ZRANB3: variants seen among roughly 807,000 people sequenced by gnomAD.
ZRANB3 encodes the protein zinc finger RANBP2-type containing 3, also known as DNA annealing helicase and endonuclease ZRANB3.
In ZRANB3, 125 loss-of-function variants were observed where a neutral mutation model predicts 133.8. The ratio of observed to expected loss-of-function variants is 0.93; its 90% CI spans 0.81 to 1.08. The LOEUF (loss-of-function observed/expected upper bound fraction) is 1.08. Ranked by LOEUF, ZRANB3 falls within the 50% of genes least tolerant of loss-of-function variation. The pLI is 0.00. For missense variants in ZRANB3, 1,229 were observed against 1,275.5 expected, an observed-to-expected ratio of 0.96 and a Z score of 0.56; for synonymous variants, 387 against 432.7, an observed-to-expected ratio of 0.89 and a Z score of 1.31.
At chr2:135,372,932 ATT>A (rs1237985513) in intron 3 of ZRANB3, among the ~76,000 whole-genome samples, 1 of 152,060 alleles carries the variant, frequency 6.6e-6, no homozygotes, top group Non-Finnish European at 1.5e-5. Flanking sequence ...AAATTAAAAA[ATT>A]AGCCTGATGT....
At chr2:135,253,260 A>C (rs1228717769) in intron 12 of ZRANB3, among the ~76,000 whole-genome samples, 1 of 152,184 alleles carries the variant, frequency 6.6e-6, no homozygotes, top group East Asian at 1.9e-4. Context: ...TGCTGTGCTC[A>C]CAGTGGAAGC....
chr2:135,390,862 CT>C, intron 2 of ZRANB3, 42 bp from the exon 3 acceptor site: 4 of 1,493,178 alleles, frequency 2.7e-6, no homozygotes, highest in Admixed American at 2.5e-5. Flanking sequence ...CAGAGTGAAC[CT>C]TTTTCCTTTT....
At chr2:135,433,684 T>G (rs1052900076) in intron 2 of ZRANB3, among the ~76,000 whole-genome samples, 3 of 152,158 alleles carry the variant, frequency 2.0e-5, no homozygotes, top group Admixed American at 6.5e-5. Flanking sequence ...AAACCCCGTC[T>G]CTACTAAAAA....
At chr2:135,314,243 C>G (rs996675323) in intron 7 of ZRANB3, among the ~76,000 whole-genome samples, 2 of 152,072 alleles carry the variant, frequency 1.3e-5, no homozygotes, top group East Asian at 3.8e-4. Flanking sequence ...ATGTATAAAG[C>G]AGCTAAGTAC....
intron 2 of ZRANB3, among the ~76,000 whole-genome samples, chr2:135,415,427 C>G (rs934316368): frequency 6.6e-6 from 1 of 152,044 alleles, no homozygotes; most frequent in Non-Finnish European, 1.5e-5. Context: ...AATCTCTGAA[C>G]AGACCAATAA....
At chr2:135,519,007 C>T (rs1693811744) in intron 1 of ZRANB3, among the ~76,000 whole-genome samples, 1 of 152,166 alleles carries the variant, frequency 6.6e-6, no homozygotes, top group Non-Finnish European at 1.5e-5. Flanking sequence ...GGTGATTTAT[C>T]AGGGAGAGCC....
At chr2:135,252,769 T>C (rs1051898265) in intron 12 of ZRANB3, among the ~76,000 whole-genome samples, 1 of 152,236 alleles carries the variant, frequency 6.6e-6, no homozygotes, top group South Asian at 2.1e-4. Flanking sequence ...TCTCCAGTTT[T>C]AGACTAAATT....
chr2:135,337,394 T>C (rs1246144950), intron 6 of ZRANB3, among the ~76,000 whole-genome samples: 1 of 152,216 alleles, frequency 6.6e-6, no homozygotes, highest in Non-Finnish European at 1.5e-5. Flanking sequence ...CAAAGTCAAC[T>C]TCCCCAGAGT....
chr2:135,508,142 G>A (rs189498283), intron 1 of ZRANB3, among the ~76,000 whole-genome samples: 1 of 151,498 alleles, frequency 6.6e-6, no homozygotes, highest in Admixed American at 6.6e-5. Flanking sequence ...TTTGTTTTTT[G>A]TTTTTTTTCT....
chr2:135,523,687 A>C (rs1694035270), intron 1 of ZRANB3, among the ~76,000 whole-genome samples: 1 of 152,240 alleles, frequency 6.6e-6, no homozygotes, highest in African/African-American at 2.4e-5. Flanking sequence ...TGAGACACAG[A>C]TGGTCAACTA....
chr2:135,209,220 G>A (rs969728722), intron 17 of ZRANB3, among the ~76,000 whole-genome samples: 1 of 152,144 alleles, frequency 6.6e-6, no homozygotes, highest in Non-Finnish European at 1.5e-5. Context: ...AAATTCAAGA[G>A]TCATTCAATA....
intron 1 of ZRANB3, among the ~76,000 whole-genome samples, chr2:135,507,124 T>C (rs1411290196): frequency 6.6e-6 from 1 of 152,224 alleles, no homozygotes; most frequent in Non-Finnish European, 1.5e-5. Context: ...GCAAACAGCA[T>C]CTGCTGATGC....
At chr2:135,366,704 T>G (rs1212213011) in intron 3 of ZRANB3, among the ~76,000 whole-genome samples, 2 of 152,062 alleles carry the variant, frequency 1.3e-5, no homozygotes, top group African/African-American at 4.8e-5. Context: ...TATCAATTCT[T>G]GTAAGTATTT....
chr2:135,237,583 C>T (rs1379959055), intron 12 of ZRANB3, among the ~76,000 whole-genome samples: 6 of 151,620 alleles, frequency 4.0e-5, no homozygotes, highest in African/African-American at 9.7e-5. Context: ...AAATGTGGCA[C>T]ATATACACCA....
intron 1 of ZRANB3, among the ~76,000 whole-genome samples, chr2:135,508,142 GT>G (rs901765200): frequency 6.6e-6 from 1 of 151,380 alleles, no homozygotes; most frequent in African/African-American, 2.4e-5. Context: ...TTTGTTTTTT[GT>G]TTTTTTTCTT....
At chr2:135,284,454 C>A (rs1681246756) in intron 8 of ZRANB3, among the ~76,000 whole-genome samples, 1 of 152,198 alleles carries the variant, frequency 6.6e-6, no homozygotes, top group Non-Finnish European at 1.5e-5. Context: ...AATTCTGTTA[C>A]CTTTCCTTGT....
chr2:135,411,120 G>A (rs1688282407), intron 2 of ZRANB3, among the ~76,000 whole-genome samples: 1 of 152,040 alleles, frequency 6.6e-6, no homozygotes, highest in African/African-American at 2.4e-5. Flanking sequence ...CACACCTGTA[G>A]TCACAGCTAC....
At chr2:135,238,104 T>G (rs1006084016) in intron 12 of ZRANB3, among the ~76,000 whole-genome samples, 4 of 152,200 alleles carry the variant, frequency 2.6e-5, no homozygotes, top group South Asian at 4.1e-4. Flanking sequence ...AGTTTCCTAA[T>G]TAGAGTAAGT....
At chr2:135,420,714 T>C (rs944448056) in intron 2 of ZRANB3, among the ~76,000 whole-genome samples, 7 of 152,176 alleles carry the variant, frequency 4.6e-5, no homozygotes, top group Admixed American at 6.5e-5. Flanking sequence ...GTGCACCTCA[T>C]TAAATTCTCG....
Sources: gnomAD v4.1 joint callset for allele counts (sites outside exome capture counted in the v4.1 genomes callset) on GRCh38, gnomAD v4.1.1 for gene constraint, MANE v1.5 for transcripts, NCBI Gene and HGNC (gene_info 2026-07-23, HGNC 2026-07-21) for gene names.